The following ABTB3 variants were observed in gnomAD, a reference collection of about 807,000 sequenced individuals.
ABTB3 encodes ankyrin repeat- and BTB/POZ domain-containing protein 3.
At chr12:107,423,065 G>C in the ABTB3 span, among the ~76,000 whole-genome samples, 1 of 152,152 alleles carries the variant, frequency 6.6e-6, no homozygotes, top group Non-Finnish European at 1.5e-5. Flanking sequence ...TACACAGCTT[G>C]ACCAAGCCTT....
At chr12:107,564,874 G>A in the ABTB3 span, among the ~76,000 whole-genome samples, 31 of 152,322 alleles carry the variant, frequency 2.0e-4, no homozygotes, top group Non-Finnish European at 1.5e-5. Flanking sequence ...CATTGCACAG[G>A]CCTTGTTTCC....
chr12:107,564,090 C>G, the ABTB3 span, among the ~76,000 whole-genome samples: 22,435 of 126,436 alleles, frequency 0.18, 2,161 homozygotes, highest in East Asian at 0.33. Context: ...ATCTATCTCT[C>G]TGTGTGTGTG....
At chr12:107,610,044 C>A in the ABTB3 span, 11 of 891,622 alleles carry the variant, frequency 1.2e-5, no homozygotes, top group African/African-American at 1.2e-4. Flanking sequence ...AAGAGACATC[C>A]GGAGGCCATC....
At chr12:107,450,155 T>C in the ABTB3 span, among the ~76,000 whole-genome samples, 1 of 152,168 alleles carries the variant, frequency 6.6e-6, no homozygotes, top group African/African-American at 2.4e-5. Context: ...TCTTGGTGGT[T>C]ACTTGTCTTG....
the ABTB3 span, among the ~76,000 whole-genome samples, chr12:107,477,029 G>C: frequency 1.3e-5 from 2 of 152,154 alleles, no homozygotes; most frequent in African/African-American, 4.8e-5. Context: ...ATCCACATCA[G>C]GTGTGTCCAC....
At chr12:107,435,416 C>G in the ABTB3 span, among the ~76,000 whole-genome samples, 1 of 152,210 alleles carries the variant, frequency 6.6e-6, no homozygotes, top group African/African-American at 2.4e-5. Flanking sequence ...GTTTTTGTTG[C>G]TTTGACCATA....
At chr12:107,512,578 C>T in the ABTB3 span, among the ~76,000 whole-genome samples, 2 of 152,174 alleles carry the variant, frequency 1.3e-5, no homozygotes, top group African/African-American at 4.8e-5. Flanking sequence ...ATCCAGCTGT[C>T]TATGTATGAC....
chr12:107,318,887 T>G, the ABTB3 span: 4 of 1,512,002 alleles, frequency 2.6e-6, 1 homozygote, highest in South Asian at 3.9e-5. Flanking sequence ...TCGCTGCTCC[T>G]CGCCGCTCCT....
the ABTB3 span, chr12:107,612,806 C>T: frequency 4.4e-5 from 71 of 1,613,576 alleles, no homozygotes; most frequent in Admixed American, 8.3e-5. Context: ...TGTATGCCTG[C>T]GTCCGTGGGG....
At chr12:107,391,514 C>A in the ABTB3 span, among the ~76,000 whole-genome samples, 1 of 152,162 alleles carries the variant, frequency 6.6e-6, no homozygotes, top group Non-Finnish European at 1.5e-5. Context: ...CTTCCACCTC[C>A]CCACCTACTG....
At chr12:107,544,308 G>C in the ABTB3 span, among the ~76,000 whole-genome samples, 42 of 152,296 alleles carry the variant, frequency 2.8e-4, no homozygotes, top group East Asian at 6.6e-3. Context: ...AGACCCGTGT[G>C]GGGGTCCTTG....
At chr12:107,319,785 C>T in the ABTB3 span, 1 of 1,454,112 alleles carries the variant, frequency 6.9e-7, no homozygotes, top group East Asian at 2.9e-5. Context: ...GGTGCGGCCC[C>T]CGCGGCGGAT....
the ABTB3 span, among the ~76,000 whole-genome samples, chr12:107,363,482 G>C: frequency 6.6e-6 from 1 of 152,146 alleles, no homozygotes; most frequent in African/African-American, 2.4e-5. Flanking sequence ...AATTTGGGAG[G>C]GGAGGATGAG....
chr12:107,502,541 T>C, the ABTB3 span, among the ~76,000 whole-genome samples: 1 of 151,646 alleles, frequency 6.6e-6, no homozygotes, highest in Non-Finnish European at 1.5e-5. Context: ...ATATATACAG[T>C]GTATTTATAA....
At chr12:107,636,240 G>A in the ABTB3 span, among the ~76,000 whole-genome samples, 1 of 152,256 alleles carries the variant, frequency 6.6e-6, no homozygotes, top group South Asian at 2.1e-4. Context: ...AGGATCCTGG[G>A]GCTGTTGCAA....
the ABTB3 span, among the ~76,000 whole-genome samples, chr12:107,403,473 C>T: frequency 0.024 from 3,642 of 152,240 alleles, 147 homozygotes; most frequent in African/African-American, 0.079. Context: ...CTTCACCACT[C>T]CTGTGAGCCT....
the ABTB3 span, among the ~76,000 whole-genome samples, chr12:107,340,498 A>T: frequency 3.3e-5 from 5 of 152,132 alleles, no homozygotes; most frequent in African/African-American, 1.2e-4. Flanking sequence ...TTCCCTGTGG[A>T]TGGTGCTGTG....
the ABTB3 span, among the ~76,000 whole-genome samples, chr12:107,456,299 T>C: frequency 6.6e-6 from 1 of 152,224 alleles, no homozygotes; most frequent in African/African-American, 2.4e-5. Flanking sequence ...TGTTAGGAAC[T>C]GGGCCGCATA....
At chr12:107,518,198 T>G in the ABTB3 span, among the ~76,000 whole-genome samples, 1 of 152,174 alleles carries the variant, frequency 6.6e-6, no homozygotes, top group Admixed American at 6.5e-5. Flanking sequence ...TGGAAGACAG[T>G]GTGGCGATTC....
Sources: gnomAD v4.1 joint callset for allele counts (sites outside exome capture counted in the v4.1 genomes callset) on GRCh38, gnomAD v4.1.1 for gene constraint, MANE v1.5 for transcripts, NCBI Gene and HGNC (gene_info 2026-07-23, HGNC 2026-07-21) for gene names.